Variants in SIPA1L1 observed in about 807,000 individuals in gnomAD.
SIPA1L1 encodes the protein signal induced proliferation associated 1 like 1.
In SIPA1L1, 26 loss-of-function variants were observed where a neutral mutation model predicts 162.7. That is an observed-to-expected ratio of 0.16 (90% CI 0.12 to 0.22). The LOEUF (loss-of-function observed/expected upper bound fraction) is 0.22, where lower values mean the gene tolerates loss of function less well. Ranked by LOEUF, SIPA1L1 falls within the 10% of genes least tolerant of loss-of-function variation. SIPA1L1 has a pLI of 1.00. For missense variants in SIPA1L1, 1,874 were observed against 2,241.0 expected, an observed-to-expected ratio of 0.84 and a Z score of 3.31; for synonymous variants, 829 against 837.4, an observed-to-expected ratio of 0.99 and a Z score of 0.17.
intron 2 of SIPA1L1, among the ~76,000 whole-genome samples, chr14:71,324,082 C>A (rs1302958552): frequency 6.6e-6 from 1 of 152,130 alleles, no homozygotes; most frequent in Non-Finnish European, 1.5e-5. Context: ...ACTGTTGTTT[C>A]CTGCGGAGAT....
chr14:71,670,841 G>T (rs1357004165), intron 10 of SIPA1L1, among the ~76,000 whole-genome samples: 1 of 151,890 alleles, frequency 6.6e-6, no homozygotes, highest in East Asian at 1.9e-4. Flanking sequence ...GTTTTGGTCA[G>T]TTTCCTGTCT....
At position 71,709,275 on chromosome 14, in the gene SIPA1L1, G is replaced by C. The variant is rs534486866; in HGVS notation, c.3819G>C (p.Ala1273=). The part of the protein sequence containing the change: ...HSSSNTLSSN[A]SSAHSDEKWY... ...GTAGCAATACTCTCTCCAGCAATGC[G>C]TCAAGTGCCCATAGTGATGAGAAGT... Residue 1273 remains alanine, a synonymous_variant, in exon 17 of 24, where the codon GCG becomes GCC. Coordinates refer to ENST00000381232, the MANE Select transcript of SIPA1L1 (RefSeq NM_001386936.1). The C allele has an allele frequency of 6.2e-7, 1 of 1,614,158 alleles. No individual in the cohort carries two copies. Among genetic ancestry groups the C allele is most frequent in the South Asian group, 1.1e-5 (1 of 91,082 alleles).
chr14:71,714,520 A>G (rs752049143), intron 17 of SIPA1L1, among the ~76,000 whole-genome samples: 3 of 152,216 alleles, frequency 2.0e-5, no homozygotes, highest in Non-Finnish European at 4.4e-5. Context: ...ATGAGAATTC[A>G]TACAATTGTT....
chr14:71,672,727 A>G (rs1034770707), intron 12 of SIPA1L1, 105 bp downstream of exon 12: 34 of 1,205,560 alleles, frequency 2.8e-5, no homozygotes, highest in Middle Eastern at 2.8e-4. Context: ...GTGAAGAACA[A>G]TAGGTTACAT....
In SIPA1L1 at chr14:71,447,562, A is replaced by ATT. The variant is rs61686460; in HGVS notation, c.-464-65163_-464-65162dup. 4.6e-4 allele frequency among the ~76,000 whole-genome samples: 59 copies of ATT among 127,790 alleles called. No homozygotes were observed. The East Asian group carries it at 0.012, about 25-fold the overall frequency. The allele number at this position is 127,790 out of a possible 152,430, so 83.8% of individuals were successfully genotyped here. On this transcript the variant is annotated intron_variant, in intron 2 of 23. Coordinates refer to ENST00000381232, the MANE Select transcript of SIPA1L1 (RefSeq NM_001386936.1). Reference sequence around the variant, plus strand: ...GATTTTTTAAAAGCATGTACTGTGGATTTTTTTTTTTTTTTTTTTGAGACA... The same window carrying ATT: ...GATTTTTTAAAAGCATGTACTGTGGATTTTTTTTTTTTTTTTTTTTTGAGACA...
chr14:71,572,357 A>AT (rs1398330555), intron 4 of SIPA1L1, among the ~76,000 whole-genome samples: 11 of 152,342 alleles, frequency 7.2e-5, no homozygotes, highest in African/African-American at 2.6e-4. Context: ...ACTACCTGTC[A>AT]TTTTATGCCC....
chr14:71,363,841 T>C (rs901614278), intron 2 of SIPA1L1, among the ~76,000 whole-genome samples: 2 of 152,230 alleles, frequency 1.3e-5, no homozygotes, highest in Non-Finnish European at 2.9e-5. Flanking sequence ...AGATGATGTG[T>C]GGACCTATTT....
intron 3 of SIPA1L1, among the ~76,000 whole-genome samples, chr14:71,521,949 G>A (rs1006864727): frequency 2.0e-5 from 3 of 152,078 alleles, no homozygotes; most frequent in African/African-American, 7.2e-5. Flanking sequence ...CTTTTGTGTG[G>A]TATCGCCATT....
At chr14:71,384,872 G>T (rs1016593870) in intron 2 of SIPA1L1, among the ~76,000 whole-genome samples, 5 of 152,182 alleles carry the variant, frequency 3.3e-5, no homozygotes, top group Admixed American at 6.5e-5. Context: ...CAGCATTGCT[G>T]TAATGGACTT....
At chr14:71,338,194 G>A (rs2035292442) in intron 2 of SIPA1L1, among the ~76,000 whole-genome samples, 1 of 152,120 alleles carries the variant, frequency 6.6e-6, no homozygotes, top group Admixed American at 6.5e-5. Context: ...GTTGTATTGT[G>A]TTGCGCACTT....
chr14:71,418,085 A>G (rs2042935797), intron 2 of SIPA1L1: 1 of 152,182 alleles, frequency 6.6e-6, no homozygotes, highest in South Asian at 2.1e-4. Context: ...TCTCTTCAGT[A>G]GGAACAACTT....
intron 3 of SIPA1L1, among the ~76,000 whole-genome samples, chr14:71,517,111 T>G (rs190814225): frequency 1.3e-4 from 20 of 152,226 alleles, no homozygotes; most frequent in Middle Eastern, 3.4e-3. Context: ...TGGTTTTGTT[T>G]TATTTCGTTT....
intron 2 of SIPA1L1, among the ~76,000 whole-genome samples, chr14:71,379,305 T>C (rs879399606): frequency 2.0e-5 from 3 of 151,838 alleles, no homozygotes; most frequent in Non-Finnish European, 4.4e-5. Flanking sequence ...TTCTTTCTTT[T>C]TTTTTTTTTC....
At chr14:71,483,074 G>C (rs1467523344) in intron 2 of SIPA1L1, among the ~76,000 whole-genome samples, 1 of 152,130 alleles carries the variant, frequency 6.6e-6, no homozygotes, top group African/African-American at 2.4e-5. Context: ...TTTTTGATAA[G>C]AGACTTCATA....
At chr14:71,648,232 G>C (rs1382011912) in intron 7 of SIPA1L1, among the ~76,000 whole-genome samples, 6 of 152,162 alleles carry the variant, frequency 3.9e-5, no homozygotes, top group African/African-American at 1.4e-4. Flanking sequence ...GGAGGTTGCA[G>C]TGAGCCAAGA....
intron 2 of SIPA1L1, among the ~76,000 whole-genome samples, chr14:71,390,157 C>T (rs895711191): frequency 1.3e-5 from 2 of 152,078 alleles, no homozygotes; most frequent in Non-Finnish European, 2.9e-5. Context: ...TTGATAAAAC[C>T]TAACGACTTA....
chr14:71,486,675 AT>A (rs2048784790), intron 2 of SIPA1L1, among the ~76,000 whole-genome samples: 2 of 152,230 alleles, frequency 1.3e-5, no homozygotes, highest in African/African-American at 4.8e-5. Context: ...TCTTGCCAAA[AT>A]TTAGAGTGAA....
intron 2 of SIPA1L1, among the ~76,000 whole-genome samples, chr14:71,426,934 A>T (rs2043614020): frequency 6.6e-6 from 1 of 152,254 alleles, no homozygotes. Context: ...ATAAGAGATT[A>T]GTGCATTCAT....
intron 7 of SIPA1L1, among the ~76,000 whole-genome samples, chr14:71,647,152 A>G (rs2042240647): frequency 6.6e-6 from 1 of 152,134 alleles, no homozygotes; most frequent in Non-Finnish European, 1.5e-5. Flanking sequence ...ACCTTTGAGG[A>G]TACAGCAAGT....
Sources: gnomAD v4.1 joint callset for allele counts (sites outside exome capture counted in the v4.1 genomes callset) on GRCh38, gnomAD v4.1.1 for gene constraint, MANE v1.5 for transcripts, NCBI Gene and HGNC (gene_info 2026-07-23, HGNC 2026-07-21) for gene names.